Variants in NHSL3 observed in about 807,000 individuals in gnomAD.
NHSL3 encodes the protein NHS like 3, also known as NHS-like protein 3.
chr1:32,753,842 G>T, the NHSL3 span, among the ~76,000 whole-genome samples: 1 of 152,182 alleles, frequency 6.6e-6, no homozygotes, highest in Non-Finnish European at 1.5e-5. Context: ...TAGGCTGGGC[G>T]GCTCAGCCGG....
At chr1:32,771,163 C>G in the NHSL3 span, 1 of 1,611,850 alleles carries the variant, frequency 6.2e-7, no homozygotes, top group Non-Finnish European at 8.5e-7. Context: ...TGTCATACCT[C>G]CTCACCCCAA....
the NHSL3 span, among the ~76,000 whole-genome samples, chr1:32,752,385 G>T: frequency 1.3e-5 from 2 of 152,186 alleles, no homozygotes; most frequent in African/African-American, 4.8e-5. Flanking sequence ...GCCATGTGGG[G>T]TCTAGAACTG....
At chr1:32,770,842 G>T in the NHSL3 span, 1 of 1,606,950 alleles carries the variant, frequency 6.2e-7, no homozygotes, top group Non-Finnish European at 8.5e-7. This position sits in a 1 kb window ranked among gnomAD's most constrained non-coding sequence, Gnocchi z 8.3. Context: ...ACCCAACCCA[G>T]CCAACAGCTG....
the NHSL3 span, among the ~76,000 whole-genome samples, chr1:32,766,081 G>A: frequency 6.6e-6 from 1 of 152,122 alleles, no homozygotes; most frequent in Non-Finnish European, 1.5e-5. Context: ...CCTCCCGTGA[G>A]ACTTGCCTCC....
chr1:32,742,353 G>A, the NHSL3 span, among the ~76,000 whole-genome samples: 24 of 152,324 alleles, frequency 1.6e-4, no homozygotes, highest in African/African-American at 5.8e-4. Context: ...TCCACCCTGC[G>A]CTGCCTTCCG....
At chr1:32,763,019 C>T in the NHSL3 span, among the ~76,000 whole-genome samples, 126 of 138,364 alleles carry the variant, frequency 9.1e-4, no homozygotes, top group African/African-American at 3.3e-3. Flanking sequence ...CTCTCTCTGT[C>T]ACCCAGGCTG....
At chr1:32,773,057 C>T in the NHSL3 span, 5 of 662,898 alleles carry the variant, frequency 7.5e-6, no homozygotes, top group South Asian at 8.5e-5. Context: ...TTGCTCCTGT[C>T]CTCAGAGTCA....
chr1:32,774,521 C>A, the NHSL3 span: 1 of 152,262 alleles, frequency 6.6e-6, no homozygotes, highest in Non-Finnish European at 1.5e-5. Flanking sequence ...CTGATCTACC[C>A]CACCCCCTAG....
the NHSL3 span, among the ~76,000 whole-genome samples, chr1:32,757,118 C>G: frequency 6.6e-6 from 1 of 152,186 alleles, no homozygotes; most frequent in Admixed American, 6.5e-5. Flanking sequence ...TCGGCCTCAG[C>G]CTCTGCTGTG....
chr1:32,773,737 C>G, the NHSL3 span: 1 of 152,730 alleles, frequency 6.5e-6, no homozygotes, highest in Non-Finnish European at 1.5e-5. Context: ...CCCAGCACTT[C>G]AGAGGCAGGA....
the NHSL3 span, among the ~76,000 whole-genome samples, chr1:32,749,491 A>C: frequency 1.3e-5 from 2 of 152,072 alleles, no homozygotes; most frequent in Non-Finnish European, 2.9e-5. Context: ...GGGAGCCCTC[A>C]TGGTACATAC....
the NHSL3 span, among the ~76,000 whole-genome samples, chr1:32,752,936 CACACACACACACACATATATATATAT>C: frequency 0.018 from 162 of 9,180 alleles, 2 homozygotes; most frequent in East Asian, 0.083. Flanking sequence ...CACACACACA[CACACACACACACACATATATATATAT>C]ATATATTTTG....
At chr1:32,771,667 C>G in the NHSL3 span, 3 of 1,610,962 alleles carry the variant, frequency 1.9e-6, no homozygotes, top group African/African-American at 1.3e-5. Context: ...GATTCAGCCC[C>G]CGGGTAGCCC....
At chr1:32,756,958 C>T in the NHSL3 span, among the ~76,000 whole-genome samples, 2 of 152,238 alleles carry the variant, frequency 1.3e-5, no homozygotes, top group East Asian at 1.9e-4. Context: ...GACAAGAACT[C>T]GACTCCATTT....
At chr1:32,771,621 C>A in the NHSL3 span, 1 of 1,613,052 alleles carries the variant, frequency 6.2e-7, no homozygotes, top group African/African-American at 1.3e-5. Flanking sequence ...TTGTCAGCTC[C>A]CCGGCTGCTT....
chr1:32,742,225 G>C, the NHSL3 span: 1 of 1,240,836 alleles, frequency 8.1e-7, no homozygotes. Flanking sequence ...GCGCGGGGGG[G>C]CGTCGAGGGT....
the NHSL3 span, chr1:32,771,597 A>T: frequency 2.5e-6 from 4 of 1,612,022 alleles, no homozygotes; most frequent in African/African-American, 2.7e-5. Flanking sequence ...CAGGCCCTTC[A>T]GGCTCCCCAG....
the NHSL3 span, chr1:32,771,104 C>T: frequency 6.2e-7 from 1 of 1,613,826 alleles, no homozygotes; most frequent in Non-Finnish European, 8.5e-7. Flanking sequence ...GACCCAGCCC[C>T]CTCAGACCGC....
chr1:32,757,065 C>T, the NHSL3 span, among the ~76,000 whole-genome samples: 4 of 152,212 alleles, frequency 2.6e-5, no homozygotes, highest in Admixed American at 6.5e-5. Context: ...ATGTAAACCT[C>T]GGTACCTTTG....
Sources: allele counts gnomAD v4.1 joint callset (sites outside exome capture counted in the v4.1 genomes callset), GRCh38; gene constraint gnomAD v4.1.1; non-coding constraint Gnocchi (gnomAD v3.1); transcripts MANE v1.5; gene names NCBI Gene and HGNC (gene_info 2026-07-23, HGNC 2026-07-21).